The following RYR3 variants were observed in gnomAD, a reference collection of about 807,000 sequenced individuals.
The protein encoded by RYR3 is ryanodine receptor 3.
RYR3 carries 207 observed loss-of-function variants against 584.3 expected under a neutral mutation model. The observed-to-expected ratio is 0.35, with a 90% CI of 0.32 to 0.40. RYR3 has a LOEUF of 0.40. Among genes scored for constraint, RYR3 ranks in the 10% least tolerant of loss-of-function variants. The pLI is 1.00. For missense variants in RYR3, 5,616 were observed against 6,089.2 expected, an observed-to-expected ratio of 0.92 and a Z score of 2.59; for synonymous variants, 2,416 against 2,248.5, an observed-to-expected ratio of 1.07 and a Z score of -2.11.
intron 1 of RYR3, among the ~76,000 whole-genome samples, chr15:33,468,884 C>G (rs2048695006): frequency 6.6e-6 from 1 of 152,174 alleles, no homozygotes; most frequent in African/African-American, 2.4e-5. Flanking sequence ...AGATACCAGG[C>G]TCTGCCCCCT....
In RYR3 at chr15:33,841,872, A is replaced by AG. The variant is rs770648618; in HGVS notation, c.13046_13047insG (p.Asp4349GlufsTer15). On this transcript the variant is annotated frameshift_variant, in exon 91 of 104. Coordinates refer to ENST00000634891, the MANE Select transcript of RYR3 (RefSeq NM_001036.6). LOFTEE classifies it high-confidence loss of function. ...GTTTCCCATTTCTGCAGCATGGAAG[A>AG]TGGAGAGAAGGAAGACAAAGACAAA... 6.3e-7 allele frequency: 1 copy of AG among 1,590,094 alleles called. No homozygotes were observed. Among genetic ancestry groups the AG allele is most frequent in the East Asian group, 2.3e-5 (1 of 43,836 alleles).
intron 86 of RYR3, among the ~76,000 whole-genome samples, chr15:33,831,856 T>A (rs537397986): frequency 2.0e-5 from 3 of 152,328 alleles, no homozygotes; most frequent in South Asian, 2.1e-4. Context: ...TGAATAGGGC[T>A]TTTATTCATT....
chr15:33,713,515 G>A (rs566294906), intron 43 of RYR3, among the ~76,000 whole-genome samples: 57 of 145,034 alleles, frequency 3.9e-4, no homozygotes, highest in African/African-American at 1.2e-3. Flanking sequence ...GATGATGGGG[G>A]TGGTGAGGGT....
intron 1 of RYR3, among the ~76,000 whole-genome samples, chr15:33,375,844 C>G (rs1468112881): frequency 2.0e-5 from 3 of 152,156 alleles, no homozygotes; most frequent in Non-Finnish European, 4.4e-5. Flanking sequence ...GCGGGCGGAT[C>G]ATGAGGTCAG....
At chr15:33,396,461 A>T (rs1037992822) in intron 1 of RYR3, among the ~76,000 whole-genome samples, 1 of 152,168 alleles carries the variant, frequency 6.6e-6, no homozygotes. Flanking sequence ...GAGTGAAGTA[A>T]TGAGACTTAT....
At chr15:33,476,895 G>C (rs941190210) in intron 2 of RYR3, among the ~76,000 whole-genome samples, 3 of 152,204 alleles carry the variant, frequency 2.0e-5, no homozygotes, top group African/African-American at 7.2e-5. Flanking sequence ...CCTGGGAGCA[G>C]TCTGCTAGAG....
At chr15:33,554,389 G>A (rs141208746) in intron 10 of RYR3, among the ~76,000 whole-genome samples, 28 of 149,064 alleles carry the variant, frequency 1.9e-4, no homozygotes, top group Non-Finnish European at 3.2e-4. Flanking sequence ...TCCGCCTCCC[G>A]GCTTCACGCC....
chr15:33,325,618 C>T (rs1246972654), intron 1 of RYR3, among the ~76,000 whole-genome samples: 1 of 151,730 alleles, frequency 6.6e-6, no homozygotes, highest in Non-Finnish European at 1.5e-5. Context: ...CTTTTCCTTT[C>T]TTTCCTTTTC....
intron 9 of RYR3, 71 bp downstream of exon 9, chr15:33,548,275 T>G: frequency 1.1e-6 from 1 of 913,188 alleles, no homozygotes; most frequent in East Asian, 2.7e-5. Context: ...CTCTTAAATA[T>G]TTCATTCATT....
chr15:33,382,017 G>A (rs904131922), intron 1 of RYR3, among the ~76,000 whole-genome samples: 1 of 152,060 alleles, frequency 6.6e-6, no homozygotes, highest in African/African-American at 2.4e-5. Flanking sequence ...TCAGAAGAGG[G>A]GTGTCAAAAT....
chr15:33,717,790 A>G (rs938549966), intron 43 of RYR3, among the ~76,000 whole-genome samples: 13 of 152,264 alleles, frequency 8.5e-5, no homozygotes, highest in African/African-American at 2.9e-4. Flanking sequence ...TTCAAGCTTG[A>G]CTGTCCTGGT....
In RYR3 at chr15:33,503,560, T is replaced by C; in HGVS notation, c.172-71T>C. 3.6e-6 allele frequency: 3 copies of C among 824,600 alleles called. No individual in the cohort carries two copies. In the South Asian group the frequency reaches 4.6e-5, roughly 13 times the overall value. The allele number at this position is 824,600 out of a possible 1,614,324, so 51.1% of individuals were successfully genotyped here. On this transcript the variant is annotated intron_variant, in intron 2 of 103. Transcript: ENST00000634891. Reference sequence around the variant, plus strand: ...TTTTGATTCATAGGCTCTTTGCCCTTGAGATGTTGTTGCGTGACTGATCTC... The same window carrying C: ...TTTTGATTCATAGGCTCTTTGCCCTCGAGATGTTGTTGCGTGACTGATCTC...
intron 46 of RYR3, 83 bp from the exon 47 acceptor site, chr15:33,728,774 G>C: frequency 3.0e-6 from 4 of 1,350,144 alleles, no homozygotes; most frequent in Non-Finnish European, 4.0e-6. Context: ...GGGAGAATAA[G>C]CTATAGACAG....
chr15:33,509,826 G>T (rs977827054), intron 3 of RYR3, among the ~76,000 whole-genome samples: 1 of 152,074 alleles, frequency 6.6e-6, no homozygotes, highest in Non-Finnish European at 1.5e-5. Context: ...CCCCAGTGCC[G>T]ATGACTTTCA....
rs531445275 is a variant in RYR3 at position 33,581,620 on chromosome 15, T to C, written c.1550T>C (p.Leu517Pro). ...EESGMAWKEILNLLYKLLAAL... is the reference protein window; with the variant it reads ...EESGMAWKEIPNLLYKLLAAL... ...AGTGGCATGGCCTGGAAAGAAATTCTGAACCTCCTCTACAAATTGCTGGGT... is the reference window on the plus strand; with the variant it reads ...AGTGGCATGGCCTGGAAAGAAATTCCGAACCTCCTCTACAAATTGCTGGGT... The change falls in exon 14 of 104, where the codon CTG (leucine) becomes CCG (proline). Residue 517 changes from leucine to proline, a missense_variant. Physicochemically the swap from Leu to Pro is moderately conservative, Grantham distance 98. Around this residue, in one of 9 missense-constraint regions of RYR3, gnomAD observed 1,284 missense variants for 1,344.6 expected, o/e 0.95. Transcript: ENST00000634891. The C allele has an allele frequency of 1.2e-6, 2 of 1,613,796 alleles. No homozygotes were observed. Among genetic ancestry groups the C allele is most frequent in the African/African-American group, 2.7e-5 (2 of 75,044 alleles).
chr15:33,521,133 A>C (rs569052399), intron 3 of RYR3, among the ~76,000 whole-genome samples: 2 of 150,944 alleles, frequency 1.3e-5, no homozygotes, highest in East Asian at 3.9e-4. Context: ...GAAAGAATCA[A>C]CTCTAGGTTA....
chr15:33,774,407 C>T (rs1012212939), intron 64 of RYR3, among the ~76,000 whole-genome samples: 1 of 152,214 alleles, frequency 6.6e-6, no homozygotes, highest in Non-Finnish European at 1.5e-5. Context: ...GAAAATCCTT[C>T]GGTATCTGCT....
At chr15:33,329,934 G>A (rs1013986733) in intron 1 of RYR3, among the ~76,000 whole-genome samples, 14 of 152,132 alleles carry the variant, frequency 9.2e-5, no homozygotes, top group African/African-American at 3.1e-4. Flanking sequence ...GAGTCGGGAA[G>A]GAAATATTTG....
rs750005254 is a variant in RYR3 at position 33,623,824 on chromosome 15, G to C, written c.2375G>C (p.Gly792Ala). 1.2e-6 allele frequency: 2 copies of C among 1,612,660 alleles called. No individual in the cohort carries two copies. Among genetic ancestry groups the C allele is most frequent in the South Asian group, 1.1e-5 (1 of 91,054 alleles). ...AATGACAGAGTACGTTTCCTGATGG[G>C]TGGACGTCATGGAGAGTTTAAGTTC... is the stretch of plus-strand genomic sequence containing the variant. ...SAGVKVRFLM[G>A]GRHGEFKFLP... Residue 792 changes from glycine to alanine, a missense_variant, in exon 20 of 104, where the codon GGT becomes GCT. This residue lies in a region of RYR3 where 1,284 missense variants were observed against 1,344.6 expected (regional missense o/e 0.95). Transcript: ENST00000634891.
Sources: allele counts gnomAD v4.1 joint callset (sites outside exome capture counted in the v4.1 genomes callset), GRCh38; gene constraint gnomAD v4.1.1; regional missense constraint gnomAD v4.1.1; transcripts MANE v1.5; gene names NCBI Gene and HGNC (gene_info 2026-07-23, HGNC 2026-07-21).